NRP2: variants seen among roughly 807,000 people sequenced by gnomAD.
The protein encoded by NRP2 is neuropilin-2.
Under a neutral mutation model 110.4 loss-of-function variants are expected in NRP2, and 52 were observed. The ratio of observed to expected loss-of-function variants is 0.47; its 90% confidence interval spans 0.38 to 0.59. The LOEUF (loss-of-function observed/expected upper bound fraction) is 0.59, where lower values mean the gene tolerates loss of function less well. Among genes scored for constraint, NRP2 ranks in the 20% least tolerant of loss-of-function variants. The pLI, the probability that NRP2 is intolerant of heterozygous loss-of-function variation, is 0.00. For missense variants in NRP2, 1,049 were observed against 1,203.0 expected, an observed-to-expected ratio of 0.87 and a Z score of 1.89; for synonymous variants, 508 against 468.9, an observed-to-expected ratio of 1.08 and a Z score of -1.08.
chr2:205,705,330 A>AT (rs1243009764), intron 2 of NRP2, among the ~76,000 whole-genome samples: 1 of 152,154 alleles, frequency 6.6e-6, no homozygotes, highest in Non-Finnish European at 1.5e-5. Flanking sequence ...CATAATCAAA[A>AT]TTTTTTTCCT....
chr2:205,749,868 A>T, intron 11 of NRP2, 27 bp downstream of exon 11: 1 of 1,559,708 alleles, frequency 6.4e-7, no homozygotes, highest in East Asian at 2.2e-5. Flanking sequence ...TCCAGATGGC[A>T]TGGGTGCGGA....
chr2:205,753,891 A>C (rs563055112), intron 12 of NRP2, among the ~76,000 whole-genome samples: 4 of 152,314 alleles, frequency 2.6e-5, no homozygotes, highest in Admixed American at 2.6e-4. Context: ...GACAGAAATG[A>C]CTCCAGAAGT....
At chr2:205,736,716 G>C (rs553259582) in intron 7 of NRP2, among the ~76,000 whole-genome samples, 2 of 152,286 alleles carry the variant, frequency 1.3e-5, no homozygotes, top group East Asian at 3.9e-4. Context: ...AGGTATCTAA[G>C]GTTTATTGAT....
chr2:205,746,284 G>A (rs2057537935), intron 10 of NRP2, among the ~76,000 whole-genome samples: 1 of 152,232 alleles, frequency 6.6e-6, no homozygotes, highest in Non-Finnish European at 1.5e-5. Flanking sequence ...GCCTCCAGAT[G>A]TCAGTGGCTA....
rs537174456 is a variant in NRP2, at chr2:205,752,993, G to A, written c.2044+18G>A. ...GTTTCCAGGTAAGCCAGCTGTGAGT[G>A]AAGATATGAAAGAGTTAAGGCCAGC... On this transcript the variant is annotated intron_variant, in intron 12 of 16. Coordinates refer to ENST00000357785, the MANE Select transcript of NRP2 (RefSeq NM_003872.3). 1 of 1,612,622 alleles carries A rather than the reference G, an allele frequency of 6.2e-7. No homozygotes were observed. Among genetic ancestry groups the A allele is most frequent in the East Asian group, 2.2e-5 (1 of 44,884 alleles).
chr2:205,789,133 T>G (rs1031665614), intron 15 of NRP2, among the ~76,000 whole-genome samples: 1 of 152,166 alleles, frequency 6.6e-6, no homozygotes, highest in Non-Finnish European at 1.5e-5. Flanking sequence ...TAAGGCAGAC[T>G]CTTTTATTTT....
chr2:205,792,975 G>C (rs1396880676), intron 16 of NRP2, among the ~76,000 whole-genome samples: 1 of 152,160 alleles, frequency 6.6e-6, no homozygotes, highest in Non-Finnish European at 1.5e-5. Flanking sequence ...TCCACTTAAA[G>C]AATAACTGTA....
chr2:205,729,475 C>G (rs1202409555), intron 7 of NRP2, among the ~76,000 whole-genome samples: 1 of 152,208 alleles, frequency 6.6e-6, no homozygotes, highest in South Asian at 2.1e-4. Context: ...AGACCTGGTT[C>G]CACCCCACCC....
rs542615637 is a variant in NRP2, at chr2:205,742,626, G to C, written c.1292-577G>C. Among the ~76,000 whole-genome samples, 3 of 152,314 alleles carry C rather than the reference G, an allele frequency of 2.0e-5. No individual in the cohort carries two copies. The East Asian group carries it at 5.8e-4, about 29-fold the overall frequency. ...AAGGCAGTAAAGAGCAGTTATTTGGGAAGTAAAGACCTGATACTGATGCCA... is the reference window on the plus strand; with the variant it reads ...AAGGCAGTAAAGAGCAGTTATTTGGCAAGTAAAGACCTGATACTGATGCCA... On this transcript the variant is annotated intron_variant, in intron 8 of 16. Transcript: ENST00000357785.
chr2:205,758,579 T>A (rs1053826987), intron 12 of NRP2, among the ~76,000 whole-genome samples: 4 of 152,344 alleles, frequency 2.6e-5, no homozygotes, highest in Non-Finnish European at 4.4e-5. Context: ...TTCACCCTTT[T>A]GAACTCCTGT....
chr2:205,789,738 C>T (rs768163084), intron 15 of NRP2, among the ~76,000 whole-genome samples: 2 of 152,184 alleles, frequency 1.3e-5, no homozygotes, highest in Non-Finnish European at 2.9e-5. Flanking sequence ...TTTGCTAGAA[C>T]TACAGGGACC....
chr2:205,723,016 C>A (rs1226118021), intron 4 of NRP2, among the ~76,000 whole-genome samples: 2 of 152,132 alleles, frequency 1.3e-5, no homozygotes, highest in African/African-American at 4.8e-5. Context: ...AGTGGCTAAC[C>A]CCTGTGACAA....
rs1022815609 is a variant in NRP2, at chr2:205,733,899, G to A, written c.1146+5853G>A. ...AGTATGCTGTGTTCCAGGCCTCAGC[G>A]TCTCGATGGGGGTAACATAATCCCG... On this transcript the variant is annotated intron_variant, in intron 7 of 16. Transcript: ENST00000357785. Among the ~76,000 whole-genome samples, 4 of 151,892 alleles carry A rather than the reference G, an allele frequency of 2.6e-5. No individual in the cohort carries two copies. The East Asian group carries it at 7.8e-4, about 29-fold the overall frequency.
Position 205,792,390 on chromosome 2 carries a change from T to C in NRP2, c.2476+105T>C, listed in dbSNP as rs1488164600. ...GTATCGGAGGGCCCAAATCTAGAAC[T>C]ATCAGTCAGAAATATATAAAAGAAT... On this transcript the variant is annotated intron_variant, in intron 16 of 16. Coordinates refer to ENST00000357785, the MANE Select transcript of NRP2 (RefSeq NM_003872.3). The C allele has an allele frequency of 6.3e-6, 5 of 798,122 alleles. No homozygotes were observed. In the African/African-American group the frequency reaches 6.8e-5, roughly 11 times the overall value. The allele number at this position is 798,122 out of a possible 1,614,324, so 49.4% of individuals were successfully genotyped here.
chr2:205,719,778 T>C (rs2056974563), intron 3 of NRP2, among the ~76,000 whole-genome samples: 1 of 152,196 alleles, frequency 6.6e-6, no homozygotes, highest in African/African-American at 2.4e-5. Flanking sequence ...AATGTCTTGA[T>C]ACCTATAGAT....
Position 205,726,231 on chromosome 2 carries a change from G to A in NRP2, c.990+149G>A. Reference sequence around the variant, plus strand: ...TTCATTCATTCATCCAAACAGATGTGTATGCCAGGCACTGGGTTACATGCT... The same window carrying A: ...TTCATTCATTCATCCAAACAGATGTATATGCCAGGCACTGGGTTACATGCT... On this transcript the variant is annotated intron_variant, in intron 6 of 16. Coordinates refer to ENST00000357785, the MANE Select transcript of NRP2 (RefSeq NM_003872.3). 2 of 868,600 alleles carry A rather than the reference G, an allele frequency of 2.3e-6. 1 individual carries two copies. The highest frequency in any genetic ancestry group is 2.9e-5 in the South Asian group (2 of 67,884). The allele number at this position is 868,600 out of a possible 1,614,324, so 53.8% of individuals were successfully genotyped here.
In NRP2 at chr2:205,764,024, G is replaced by A. The variant is rs544439096; in HGVS notation, c.2307+88G>A. 8.7e-4 allele frequency: 1,322 copies of A among 1,520,070 alleles called. 28 individuals are homozygous for A. The South Asian group carries it at 0.014, about 16-fold the overall frequency. 94.2% of individuals were successfully genotyped at this position (1,520,070 alleles called of 1,614,324 possible). A position where few individuals can be genotyped will look rare whatever the true frequency, so the allele number is the denominator to read the frequency against. The stretch of plus-strand genomic sequence containing the variant: ...TCATCGTTAGGGAACGTGGTTAAGC[G>A]CTACTGTTTTCATTGTGTTTCTCAC... On this transcript the variant is annotated intron_variant, in intron 13 of 16. Coordinates refer to ENST00000357785, the MANE Select transcript of NRP2 (RefSeq NM_003872.3).
Position 205,765,517 on chromosome 2 carries a change from T to C in NRP2, c.2351T>C (p.Ile784Thr). 1 of 1,614,122 alleles carries C rather than the reference T, an allele frequency of 6.2e-7. No individual in the cohort carries two copies. Among genetic ancestry groups the C allele is most frequent in the Non-Finnish European group, 8.5e-7 (1 of 1,180,012 alleles). ...ATAGGGAAAGGACGTTCCGGAGAGA[T>C]TGCCATTGATGACATTCGGATAAGC... ...GVIGKGRSGEIAIDDIRISTD... is the reference protein window; with the variant it reads ...GVIGKGRSGETAIDDIRISTD... Residue 784 changes from isoleucine to threonine, a missense_variant, in exon 14 of 17, where the codon ATT becomes ACT. By Grantham distance (89) the Ile-to-Thr change is moderately conservative. Transcript: ENST00000357785.
At chr2:205,736,742 C>G (rs1385027400) in intron 7 of NRP2, among the ~76,000 whole-genome samples, 1 of 152,198 alleles carries the variant, frequency 6.6e-6, no homozygotes, top group Non-Finnish European at 1.5e-5. Flanking sequence ...TATAATGATT[C>G]AGTGAGTTGT....
Sources: allele counts gnomAD v4.1 joint callset (sites outside exome capture counted in the v4.1 genomes callset), GRCh38; gene constraint gnomAD v4.1.1; transcripts MANE v1.5; gene names NCBI Gene and HGNC (gene_info 2026-07-23, HGNC 2026-07-21).